Variants in PTPRT observed in about 807,000 individuals in gnomAD.
PTPRT encodes the protein protein tyrosine phosphatase receptor type T.
PTPRT carries 56 observed loss-of-function variants against 176.8 expected under a neutral mutation model. That is an observed-to-expected ratio of 0.32 (90% CI 0.26 to 0.40). The LOEUF is 0.40. Ranked by LOEUF, PTPRT falls within the 10% of genes least tolerant of loss-of-function variation. The pLI is 1.00. For missense variants in PTPRT, 1,540 were observed against 1,908.2 expected (o/e 0.81, Z 3.60); for synonymous variants, 783 against 739.0 (o/e 1.06, Z -0.96).
At chr20:42,777,626 C>T (rs1299493876) in intron 4 of PTPRT, among the ~76,000 whole-genome samples, 1 of 152,178 alleles carries the variant, frequency 6.6e-6, no homozygotes, top group African/African-American at 2.4e-5. Context: ...AGTACAAGGA[C>T]CGAACCTTTC....
At chr20:42,097,339 G>T (rs140329707) in intron 27 of PTPRT, among the ~76,000 whole-genome samples, 1 of 152,272 alleles carries the variant, frequency 6.6e-6, no homozygotes, top group African/African-American at 2.4e-5. Context: ...CCGCAAATAA[G>T]TCTGTGTATA....
chr20:43,107,221 T>C (rs2146335433), intron 1 of PTPRT, among the ~76,000 whole-genome samples: 1 of 152,214 alleles, frequency 6.6e-6, no homozygotes, highest in African/African-American at 2.4e-5. Context: ...CAGAGTCAAA[T>C]AAGGAAGAAA....
rs2071022565 is a variant in PTPRT, at chr20:42,461,686, T to G, written c.1450+10580A>C. 2.6e-5 allele frequency among the ~76,000 whole-genome samples: 4 copies of G among 152,352 alleles called. No homozygotes were observed. In the East Asian group the frequency reaches 7.7e-4, roughly 29 times the overall value. Reference sequence around the variant, plus strand: ...AACTGGTTAAGTAAGAGGATCTGACTTTCTGAGTAATGACTATTGGATTTG... The same window carrying G: ...AACTGGTTAAGTAAGAGGATCTGACGTTCTGAGTAATGACTATTGGATTTG... On this transcript the variant is annotated intron_variant, in intron 8 of 30. Transcript: ENST00000373187.
chr20:42,644,756 A>G (rs989522313), intron 7 of PTPRT, among the ~76,000 whole-genome samples: 16 of 152,154 alleles, frequency 1.1e-4, no homozygotes, highest in African/African-American at 3.6e-4. Context: ...ATTCATACAC[A>G]TTAAGGTAAA....
At chr20:42,344,951 T>G (rs1220950733) in intron 11 of PTPRT, among the ~76,000 whole-genome samples, 2 of 152,076 alleles carry the variant, frequency 1.3e-5, no homozygotes. Flanking sequence ...TAACTCCTCC[T>G]CATTCCCTAG....
At chr20:43,090,471 T>G (rs939964490) in intron 1 of PTPRT, among the ~76,000 whole-genome samples, 3 of 152,042 alleles carry the variant, frequency 2.0e-5, no homozygotes, top group East Asian at 3.9e-4. Flanking sequence ...GGTTTCACCG[T>G]TTTAGCCAGG....
intron 7 of PTPRT, among the ~76,000 whole-genome samples, chr20:42,529,856 A>G (rs2072349576): frequency 6.6e-6 from 1 of 151,036 alleles, no homozygotes; most frequent in Admixed American, 6.6e-5. Flanking sequence ...GGAAAAAAAA[A>G]AAAAAAAAAG....
intron 11 of PTPRT, 23 bp from the exon 12 acceptor site, chr20:42,316,019 A>C: frequency 6.2e-7 from 1 of 1,610,516 alleles, no homozygotes; most frequent in Non-Finnish European, 8.5e-7. Flanking sequence ...GAGGAGACAC[A>C]GATGGTTGAG....
intron 7 of PTPRT, among the ~76,000 whole-genome samples, chr20:42,533,190 G>A (rs1312144052): frequency 1.3e-5 from 2 of 152,198 alleles, no homozygotes; most frequent in African/African-American, 4.8e-5. Flanking sequence ...GCCAAAGGCT[G>A]AGAAATTGAT....
At chr20:42,808,322 T>C (rs1312593201) in intron 2 of PTPRT, among the ~76,000 whole-genome samples, 1 of 152,110 alleles carries the variant, frequency 6.6e-6, no homozygotes, top group Non-Finnish European at 1.5e-5. Flanking sequence ...TGACAATGGG[T>C]CTGGGGAAGC....
intron 6 of PTPRT, among the ~76,000 whole-genome samples, chr20:42,755,822 T>C (rs1463823210): frequency 6.6e-6 from 1 of 152,156 alleles, no homozygotes; most frequent in Non-Finnish European, 1.5e-5. Context: ...CAAAATAGGA[T>C]AACTCATTGG....
intron 7 of PTPRT, among the ~76,000 whole-genome samples, chr20:42,663,090 T>G (rs1470066436): frequency 6.6e-6 from 1 of 152,130 alleles, no homozygotes; most frequent in Non-Finnish European, 1.5e-5. Flanking sequence ...GCAGATAGGT[T>G]AAAATACATA....
chr20:42,045,963 C>G, the PTPRT span, among the ~76,000 whole-genome samples: 2 of 152,034 alleles, frequency 1.3e-5, no homozygotes, highest in African/African-American at 4.8e-5. Context: ...AGATTTTTTT[C>G]TTACAATATT....
intron 7 of PTPRT, among the ~76,000 whole-genome samples, chr20:42,660,228 T>C (rs2075199330): frequency 6.6e-6 from 1 of 152,132 alleles, no homozygotes; most frequent in South Asian, 2.1e-4. Context: ...CACCATTATG[T>C]CTACAAGTTC....
At chr20:42,577,837 C>CTGTGTGTGTGTGTGTGTGTGTG (rs11468271) in intron 7 of PTPRT, among the ~76,000 whole-genome samples, 19 of 139,348 alleles carry the variant, frequency 1.4e-4, no homozygotes, top group African/African-American at 5.2e-4. Flanking sequence ...CTGAGCAAGG[C>CTGTGTGTGTGTGTGTGTGTGTG]TGTGTGTGTG....
At chr20:42,832,550 A>C (rs1397456744) in intron 2 of PTPRT, among the ~76,000 whole-genome samples, 1 of 150,496 alleles carries the variant, frequency 6.6e-6, no homozygotes, top group African/African-American at 2.5e-5. Flanking sequence ...TGTAGAGAGA[A>C]GAGATTTTAT....
intron 1 of PTPRT, among the ~76,000 whole-genome samples, chr20:43,180,341 ATCTCTCTC>A (rs71193679): frequency 2.0e-4 from 23 of 115,068 alleles, no homozygotes; most frequent in African/African-American, 7.6e-4. Flanking sequence ...AAATGAATCA[ATCTCTCTC>A]TCTCTCTCTC....
chr20:42,663,819 G>A (rs2075267846), intron 7 of PTPRT, among the ~76,000 whole-genome samples: 1 of 152,120 alleles, frequency 6.6e-6, no homozygotes, highest in Non-Finnish European at 1.5e-5. Context: ...AACAATACTA[G>A]CATAGAATTC....
At chr20:42,340,342 C>T (rs930926473) in intron 11 of PTPRT, among the ~76,000 whole-genome samples, 7 of 152,106 alleles carry the variant, frequency 4.6e-5, no homozygotes, top group African/African-American at 9.7e-5. Context: ...TAAAATTCTT[C>T]GTAAGCCTAT....
Sources: gnomAD v4.1 joint callset for allele counts (sites outside exome capture counted in the v4.1 genomes callset) on GRCh38, gnomAD v4.1.1 for gene constraint, MANE v1.5 for transcripts, NCBI Gene and HGNC (gene_info 2026-07-23, HGNC 2026-07-21) for gene names.